Variants in GNAZ observed in about 807,000 individuals in gnomAD.
The protein encoded by GNAZ is guanine nucleotide-binding protein G(z) subunit alpha.
In GNAZ, 3 loss-of-function variants were observed where a neutral mutation model predicts 25.4. The observed-to-expected ratio is 0.12, with a 90% CI of 0.05 to 0.30. The LOEUF is 0.30. GNAZ is among the 10% of genes least tolerant of loss of function. The pLI is 1.00. For synonymous variants in GNAZ, 211 were observed against 205.7 expected, an observed-to-expected ratio of 1.03 and a Z score of -0.22; for missense variants, 241 against 501.8, an observed-to-expected ratio of 0.48 and a Z score of 4.97.
chr22:23,073,623 G>C (rs2068431140), intron 1 of GNAZ, among the ~76,000 whole-genome samples: 1 of 152,246 alleles, frequency 6.6e-6, no homozygotes, highest in Non-Finnish European at 1.5e-5. Flanking sequence ...ACACCGCCAG[G>C]GGAGGCGCTT....
At chr22:23,080,582 C>G (rs1454577316) in intron 1 of GNAZ, among the ~76,000 whole-genome samples, 1 of 152,220 alleles carries the variant, frequency 6.6e-6, no homozygotes, top group Admixed American at 6.5e-5. Context: ...CGTTGCGGAT[C>G]TGCAGGTGCA....
chr22:23,074,725 G>A (rs1030911897), intron 1 of GNAZ, among the ~76,000 whole-genome samples: 2 of 152,204 alleles, frequency 1.3e-5, no homozygotes, highest in African/African-American at 4.8e-5. Flanking sequence ...ACGGGCAAGT[G>A]AGGTGGAAGC....
rs1403764938 is a variant in GNAZ at position 23,071,214 on chromosome 22, G to A, written c.-450+644G>A. The stretch of plus-strand genomic sequence containing the variant: ...TTTTTTCCCTTAAAAGGCGGTGGGG[G>A]TGTTTGGGGGAGGGGAGTGAGGGCC... On this transcript the variant is annotated intron_variant, in intron 1 of 2. Coordinates refer to ENST00000615612, the MANE Select transcript of GNAZ (RefSeq NM_002073.4). The surrounding 1 kb of genome is among the most constrained non-coding windows in gnomAD (Gnocchi z 4.1). Among the ~76,000 whole-genome samples, 1 of 152,164 alleles carries A rather than the reference G, an allele frequency of 6.6e-6. No individual in the cohort carries two copies. Among genetic ancestry groups the A allele is most frequent in the East Asian group, 1.9e-4 (1 of 5,174 alleles).
intron 1 of GNAZ, among the ~76,000 whole-genome samples, chr22:23,094,335 C>T (rs1163099354): frequency 2.0e-5 from 3 of 152,008 alleles, no homozygotes; most frequent in African/African-American, 4.8e-5. Flanking sequence ...CCTAAGCACC[C>T]GGCAAAGTCA....
At chr22:23,078,564 C>T (rs892952260) in intron 1 of GNAZ, among the ~76,000 whole-genome samples, 4 of 152,218 alleles carry the variant, frequency 2.6e-5, no homozygotes, top group Admixed American at 2.6e-4. Context: ...TGTTCTGGGG[C>T]TCTCCCTCCT....
rs144670482 is a variant in GNAZ, at chr22:23,093,293, C to T, written c.-449-1954C>T. On this transcript the variant is annotated intron_variant, in intron 1 of 2. Transcript: ENST00000615612. ...GGGCGTTCCCTGGTGCACTTCTCAT[C>T]GGTGGCTGCCTGGTGAAGCGGGAAA... is the stretch of plus-strand genomic sequence containing the variant. Among the ~76,000 whole-genome samples, 1,194 of 152,310 alleles carry T rather than the reference C, an allele frequency of 7.8e-3. 4 individuals carry two copies. Among genetic ancestry groups the T allele is most frequent in the Middle Eastern group, 0.02 (6 of 294 alleles).
intron 1 of GNAZ, among the ~76,000 whole-genome samples, chr22:23,094,793 G>A (rs751640838): frequency 6.6e-6 from 1 of 152,220 alleles, no homozygotes; most frequent in Non-Finnish European, 1.5e-5. Flanking sequence ...AGCTCCTGCG[G>A]GGGTAATGAG....
chr22:23,095,573 C>T lies in GNAZ; in HGVS notation c.-123C>T. 1.8e-6 allele frequency: 2 copies of T among 1,100,456 alleles called. No homozygotes were observed. The highest frequency in any genetic ancestry group is 2.8e-5 in the Admixed American group (1 of 35,460). 68.2% of individuals were successfully genotyped at this position (1,100,456 alleles called of 1,614,324 possible). On this transcript the variant is annotated 5_prime_UTR_variant, in exon 2 of 3. Transcript: ENST00000615612. ...TGCAGTGTGGCTCGGCCTCACCCCC[C>T]TGCTGGCACTGAGTGCCTCCAGGGC...
At chr22:23,091,484 G>A (rs946081923) in intron 1 of GNAZ, among the ~76,000 whole-genome samples, 23 of 146,786 alleles carry the variant, frequency 1.6e-4, no homozygotes, top group African/African-American at 5.4e-4. Context: ...CAATGGACCT[G>A]CACACACACA....
At chr22:23,092,621 G>A (rs558997558) in intron 1 of GNAZ, among the ~76,000 whole-genome samples, 10 of 152,134 alleles carry the variant, frequency 6.6e-5, no homozygotes, top group Non-Finnish European at 1.3e-4. Context: ...CGTTGCCGGC[G>A]CACACTGATC....
In GNAZ at chr22:23,124,518, A is replaced by G; in HGVS notation, c.*1087A>G. On this transcript the variant is annotated 3_prime_UTR_variant, in exon 3 of 3. Coordinates refer to ENST00000615612, the MANE Select transcript of GNAZ (RefSeq NM_002073.4). ...GTTTTCTGCTTTGTTTTTATTTAAGAAAATAAACACGACATATTTAAAGAA... is the reference window on the plus strand; with the variant it reads ...GTTTTCTGCTTTGTTTTTATTTAAGGAAATAAACACGACATATTTAAAGAA... 3.0e-6 allele frequency: 1 copy of G among 337,122 alleles called. No individual in the cohort carries two copies. Among genetic ancestry groups the G allele is most frequent in the Non-Finnish European group, 6.5e-6 (1 of 153,918 alleles). 20.9% of individuals were successfully genotyped at this position (337,122 alleles called of 1,614,324 possible).
intron 2 of GNAZ, among the ~76,000 whole-genome samples, chr22:23,103,280 C>A (rs1459555433): frequency 1.3e-5 from 2 of 152,242 alleles, no homozygotes; most frequent in East Asian, 1.9e-4. Context: ...AACAGTTCTA[C>A]TCCTCCCCAG....
At chr22:23,106,922 C>T (rs866651641) in intron 2 of GNAZ, among the ~76,000 whole-genome samples, 21 of 152,174 alleles carry the variant, frequency 1.4e-4, no homozygotes, top group African/African-American at 4.8e-4. Context: ...GGTCACCCCA[C>T]CCCCTCCACA....
rs2068372938 is a variant in GNAZ, at chr22:23,071,450, C to A, written c.-450+880C>A. Among the ~76,000 whole-genome samples, 1 of 152,202 alleles carries A rather than the reference C, an allele frequency of 6.6e-6. No individual in the cohort carries two copies. Among genetic ancestry groups the A allele is most frequent in the African/African-American group, 2.4e-5 (1 of 41,468 alleles). ...GGACCCGCCTGGTAGAGAGGTCTGTCTTGCTTGGGGAGACAGCTGAGCCCC... is the reference window on the plus strand; with the variant it reads ...GGACCCGCCTGGTAGAGAGGTCTGTATTGCTTGGGGAGACAGCTGAGCCCC... On this transcript the variant is annotated intron_variant, in intron 1 of 2. Coordinates refer to ENST00000615612, the MANE Select transcript of GNAZ (RefSeq NM_002073.4). This position sits in a 1 kb window ranked among gnomAD's most constrained non-coding sequence, Gnocchi z 4.1.
At chr22:23,094,350 G>C (rs2069064828) in intron 1 of GNAZ, among the ~76,000 whole-genome samples, 1 of 151,934 alleles carries the variant, frequency 6.6e-6, no homozygotes, top group Non-Finnish European at 1.5e-5. Context: ...AAGTCACAGG[G>C]GCATCCTAGG....
intron 2 of GNAZ, among the ~76,000 whole-genome samples, chr22:23,109,498 C>T (rs1042829680): frequency 2.0e-5 from 3 of 152,170 alleles, no homozygotes; most frequent in Non-Finnish European, 2.9e-5. Flanking sequence ...GTGAGGGTCT[C>T]AAGACCAAGG....
intron 1 of GNAZ, among the ~76,000 whole-genome samples, chr22:23,088,594 A>AGT (rs1418780682): frequency 6.6e-6 from 1 of 152,168 alleles, no homozygotes; most frequent in Non-Finnish European, 1.5e-5. Context: ...GGACAGGGTG[A>AGT]GTGGCAGGTA....
At chr22:23,110,300 C>T (rs998829154) in intron 2 of GNAZ, among the ~76,000 whole-genome samples, 4 of 152,120 alleles carry the variant, frequency 2.6e-5, no homozygotes, top group Non-Finnish European at 5.9e-5. Flanking sequence ...AGTCACTTCT[C>T]GGAGGTGAAC....
chr22:23,108,076 C>T (rs1285574060), intron 2 of GNAZ, among the ~76,000 whole-genome samples: 4 of 152,258 alleles, frequency 2.6e-5, no homozygotes, highest in African/African-American at 4.8e-5. Flanking sequence ...TGATCCAGCC[C>T]ATCTGTGGGC....
Sources: allele counts gnomAD v4.1 joint callset (sites outside exome capture counted in the v4.1 genomes callset), GRCh38; gene constraint gnomAD v4.1.1; non-coding constraint Gnocchi (gnomAD v3.1); transcripts MANE v1.5; gene names NCBI Gene and HGNC (gene_info 2026-07-23, HGNC 2026-07-21).